Variants in GAREM1 observed in about 807,000 individuals in gnomAD.
The protein encoded by GAREM1 is GRB2-associated and regulator of MAPK protein 1.
GAREM1 carries 26 observed loss-of-function variants against 71.3 expected under a neutral mutation model. The observed-to-expected ratio is 0.36, with a 90% CI of 0.27 to 0.51. The LOEUF (loss-of-function observed/expected upper bound fraction) is 0.51, where lower values mean the gene tolerates loss of function less well. GAREM1 is among the 20% of genes least tolerant of loss of function. The pLI is 0.95. For synonymous variants in GAREM1, 440 were observed against 433.2 expected (o/e 1.02, Z -0.20); for missense variants, 1,026 against 1,103.1 (o/e 0.93, Z 0.99).
intron 1 of GAREM1, among the ~76,000 whole-genome samples, chr18:32,464,204 T>C (rs1015843826): frequency 1.1e-4 from 17 of 152,050 alleles, no homozygotes; most frequent in African/African-American, 2.9e-4. Context: ...AGCAGGAGAA[T>C]TGCTTGAACC....
At chr18:32,331,925 G>A (rs1236833714) in intron 2 of GAREM1, among the ~76,000 whole-genome samples, 1 of 151,922 alleles carries the variant, frequency 6.6e-6, no homozygotes, top group Non-Finnish European at 1.5e-5. Context: ...GGGACAGACT[G>A]ACAGGGCTGG....
At chr18:32,386,354 T>C (rs752736780) in intron 2 of GAREM1, among the ~76,000 whole-genome samples, 5 of 152,314 alleles carry the variant, frequency 3.3e-5, no homozygotes, top group Middle Eastern at 3.4e-3. Flanking sequence ...CATCCTACAC[T>C]TTTAAAAACA....
At chr18:32,410,130 A>AT (rs1462523998) in intron 1 of GAREM1, among the ~76,000 whole-genome samples, 2 of 152,212 alleles carry the variant, frequency 1.3e-5, no homozygotes, top group Non-Finnish European at 2.9e-5. Context: ...AAAGAATCAC[A>AT]TAAGCAGACA....
intron 1 of GAREM1, among the ~76,000 whole-genome samples, chr18:32,449,266 G>C (rs1265801307): frequency 1.3e-5 from 2 of 152,136 alleles, no homozygotes; most frequent in African/African-American, 2.4e-5. Context: ...AAACACCAAC[G>C]GATTTGTTTG....
chr18:32,402,821 A>C (rs2048327721), intron 1 of GAREM1, among the ~76,000 whole-genome samples: 1 of 152,096 alleles, frequency 6.6e-6, no homozygotes, highest in Non-Finnish European at 1.5e-5. Context: ...ACACTTACTG[A>C]GGGTCAATTA....
intron 2 of GAREM1, among the ~76,000 whole-genome samples, chr18:32,357,942 C>T (rs2047821751): frequency 6.6e-6 from 1 of 152,144 alleles, no homozygotes; most frequent in African/African-American, 2.4e-5. Context: ...TGTGCAATGA[C>T]TACTCATACA....
At chr18:32,424,167 G>A (rs1165330419) in intron 1 of GAREM1, among the ~76,000 whole-genome samples, 1 of 151,858 alleles carries the variant, frequency 6.6e-6, no homozygotes, top group African/African-American at 2.4e-5. Flanking sequence ...AAAAGCAAGT[G>A]TCTCACAGGA....
At chr18:32,291,545 AG>A (rs2144480450) in intron 3 of GAREM1, among the ~76,000 whole-genome samples, 1 of 152,170 alleles carries the variant, frequency 6.6e-6, no homozygotes, top group South Asian at 2.1e-4. Flanking sequence ...CAGAACGTTC[AG>A]GTTTATTACG....
chr18:32,454,171 C>A (rs148615940), intron 1 of GAREM1, among the ~76,000 whole-genome samples: 1 of 151,932 alleles, frequency 6.6e-6, no homozygotes, highest in African/African-American at 2.4e-5. Flanking sequence ...ATCTCCCACC[C>A]TGTATTGGGA....
intron 1 of GAREM1, among the ~76,000 whole-genome samples, chr18:32,397,228 G>A (rs1228992098): frequency 1.3e-5 from 2 of 152,182 alleles, no homozygotes; most frequent in East Asian, 3.8e-4. Flanking sequence ...TCAAGGCTAG[G>A]AAGAAACTGC....
At chr18:32,410,186 G>A (rs1226850180) in intron 1 of GAREM1, among the ~76,000 whole-genome samples, 1 of 152,100 alleles carries the variant, frequency 6.6e-6, no homozygotes, top group Non-Finnish European at 1.5e-5. Flanking sequence ...AAATGACCAG[G>A]CATGTTTCTA....
rs369072571 is a variant in GAREM1, at chr18:32,320,634, T to A, written c.263-10311A>T. 2.9e-4 allele frequency among the ~76,000 whole-genome samples: 44 copies of A among 152,304 alleles called. 1 individual carries two copies. In the South Asian group the frequency reaches 7.5e-3, roughly 26 times the overall value. On this transcript the variant is annotated intron_variant, in intron 2 of 5. Coordinates refer to ENST00000269209, the MANE Select transcript of GAREM1 (RefSeq NM_001242409.2). ...GTGGTTATTTCTATTTATTTCTCCA[T>A]CTGAGATTTTATAAAGCAAGTGGTC...
intron 1 of GAREM1, among the ~76,000 whole-genome samples, chr18:32,437,228 C>T (rs1028516881): frequency 1.3e-5 from 2 of 152,122 alleles, no homozygotes; most frequent in Non-Finnish European, 2.9e-5. Context: ...ACGTGTTACT[C>T]AGCAATGACC....
intron 1 of GAREM1, among the ~76,000 whole-genome samples, chr18:32,418,533 A>G (rs868391393): frequency 5.9e-5 from 9 of 152,220 alleles, no homozygotes; most frequent in African/African-American, 2.2e-4. Flanking sequence ...GAATTAACTC[A>G]GTAAAGTAAA....
intron 3 of GAREM1, among the ~76,000 whole-genome samples, chr18:32,297,468 C>T (rs1335762083): frequency 6.6e-6 from 1 of 152,180 alleles, no homozygotes; most frequent in African/African-American, 2.4e-5. Flanking sequence ...CTTTTATTAA[C>T]AAAACATTTT....
chr18:32,358,986 T>C (rs913406619), intron 2 of GAREM1, among the ~76,000 whole-genome samples: 3 of 152,196 alleles, frequency 2.0e-5, no homozygotes, highest in Non-Finnish European at 2.9e-5. Flanking sequence ...TGCTCACCTG[T>C]GAACCCACAC....
chr18:32,399,598 A>G lies in GAREM1; in HGVS notation c.122-6563T>C, dbSNP rs2144668865. 2.6e-5 allele frequency among the ~76,000 whole-genome samples: 4 copies of G among 152,296 alleles called. 1 individual carries two copies. The Middle Eastern group carries it at 0.014, about 518-fold the overall frequency. ...TTGCTTCAAAGAGAATAAAATACCT[A>G]GGAATCCAACTTAGAAGGGAAGTGA... On this transcript the variant is annotated intron_variant, in intron 1 of 5. Coordinates refer to ENST00000269209, the MANE Select transcript of GAREM1 (RefSeq NM_001242409.2).
intron 3 of GAREM1, among the ~76,000 whole-genome samples, chr18:32,298,196 T>C (rs2047162649): frequency 1.3e-5 from 2 of 152,198 alleles, no homozygotes; most frequent in Admixed American, 6.5e-5. Flanking sequence ...GTGAGCACAA[T>C]CTGTATCCCA....
chr18:32,470,274 C>A lies in GAREM1; in HGVS notation c.121+34G>T. 2 of 1,469,018 alleles carry A rather than the reference C, an allele frequency of 1.4e-6. No individual in the cohort carries two copies. Among genetic ancestry groups the A allele is most frequent in the East Asian group, 2.9e-5 (1 of 34,406 alleles). The allele number at this position is 1,469,018 out of a possible 1,614,324, so 91.0% of individuals were successfully genotyped here. Reference sequence around the variant, plus strand: ...ACACCCGCGTGGAGACGGCTGTCCTCGCCCGTCTGCCCCGCGCCCCAGCTG... The same window carrying A: ...ACACCCGCGTGGAGACGGCTGTCCTAGCCCGTCTGCCCCGCGCCCCAGCTG... On this transcript the variant is annotated intron_variant, in intron 1 of 5. Coordinates refer to ENST00000269209, the MANE Select transcript of GAREM1 (RefSeq NM_001242409.2). The surrounding 1 kb of genome is among the most constrained non-coding windows in gnomAD (Gnocchi z 4.4).
Sources: gnomAD v4.1 joint callset for allele counts (sites outside exome capture counted in the v4.1 genomes callset) on GRCh38, gnomAD v4.1.1 for gene constraint, Gnocchi (gnomAD v3.1) non-coding constraint, MANE v1.5 for transcripts, NCBI Gene and HGNC (gene_info 2026-07-23, HGNC 2026-07-21) for gene names.